ZNF407: variants seen among roughly 807,000 people sequenced by gnomAD.
ZNF407 encodes zinc finger protein 407.
Under a neutral mutation model 131.2 loss-of-function variants are expected in ZNF407, and 17 were observed. The ratio of observed to expected loss-of-function variants is 0.13; its 90% CI spans 0.09 to 0.19. ZNF407 has a LOEUF of 0.19. ZNF407 is among the 10% of genes least tolerant of loss of function. The probability of loss-of-function intolerance (pLI) is 1.00; values close to 1 mark genes in which losing one functional copy is unlikely to be tolerated. For synonymous variants in ZNF407, 1,156 were observed against 1,062.0 expected, an observed-to-expected ratio of 1.09 and a Z score of -1.72; for missense variants, 2,681 against 2,830.6, an observed-to-expected ratio of 0.95 and a Z score of 1.20.
intron 3 of ZNF407, 133 bp downstream of exon 3, chr18:74,641,255 T>C (rs926660534): frequency 1.1e-5 from 7 of 646,434 alleles, no homozygotes; most frequent in South Asian, 2.0e-5. Flanking sequence ...TCCATTGTTA[T>C]GGTAAATTCC....
chr18:74,908,073 A>C (rs577297420), intron 7 of ZNF407, among the ~76,000 whole-genome samples: 40 of 152,318 alleles, frequency 2.6e-4, no homozygotes, highest in African/African-American at 9.1e-4. Context: ...TTTTAAAAAA[A>C]TTAATCAATG....
chr18:75,014,445 T>G (rs774017105), intron 8 of ZNF407, among the ~76,000 whole-genome samples: 4 of 152,076 alleles, frequency 2.6e-5, no homozygotes, highest in Non-Finnish European at 4.4e-5. Flanking sequence ...GCCATTTTCC[T>G]CTTTCTTTTT....
At chr18:74,975,938 T>C (rs540842097) in intron 8 of ZNF407, among the ~76,000 whole-genome samples, 9 of 152,232 alleles carry the variant, frequency 5.9e-5, no homozygotes, top group Non-Finnish European at 1.0e-4. Flanking sequence ...AGGTTTCTCC[T>C]CATGCCAATT....
Position 74,948,754 on chromosome 18 carries a change from G to T in ZNF407, c.5428+28062G>T, listed in dbSNP as rs577936005. Among the ~76,000 whole-genome samples the T allele has an allele frequency of 2.6e-5, 4 of 152,282 alleles. No individual in the cohort carries two copies. In the South Asian group the frequency reaches 6.2e-4, roughly 24 times the overall value. On this transcript the variant is annotated intron_variant, in intron 8 of 8. Transcript: ENST00000299687. ...TGCTGGGAGTTTAAAATAAGCTTGT[G>T]TAAGAATGCTATGTAAAAATACAGA... is the stretch of plus-strand genomic sequence containing the variant.
At chr18:74,967,246 AAAAG>A (rs1040569418) in intron 8 of ZNF407, among the ~76,000 whole-genome samples, 6 of 152,200 alleles carry the variant, frequency 3.9e-5, no homozygotes, top group African/African-American at 9.7e-5. Flanking sequence ...CTAACACGAA[AAAAG>A]AAAGAAAGAA....
At chr18:74,663,854 A>G (rs1985819639) in intron 3 of ZNF407, among the ~76,000 whole-genome samples, 1 of 152,196 alleles carries the variant, frequency 6.6e-6, no homozygotes, top group Admixed American at 6.5e-5. Flanking sequence ...AAGGCCTGTC[A>G]TAGGCAAGAA....
In ZNF407 at chr18:74,720,922, T is replaced by G. The variant is rs545698658; in HGVS notation, c.4803-60506T>G. Among the ~76,000 whole-genome samples, 120 of 84,218 alleles carry G rather than the reference T, an allele frequency of 1.4e-3. 1 individual carries two copies. Among genetic ancestry groups the G allele is most frequent in the African/African-American group, 5.3e-3 (120 of 22,534 alleles). The allele number at this position is 84,218 out of a possible 152,430, so 55.3% of individuals were successfully genotyped here. On this transcript the variant is annotated intron_variant, in intron 3 of 8. Coordinates refer to ENST00000299687, the MANE Select transcript of ZNF407 (RefSeq NM_017757.3). ...TTTTGAAGTCTGGTAGTGCGATACC[T>G]TCAGCTTTTTTTTTTTTCTTTTTCT...
intron 8 of ZNF407, among the ~76,000 whole-genome samples, chr18:75,024,478 A>G (rs1973148719): frequency 6.6e-6 from 1 of 152,228 alleles, no homozygotes; most frequent in Admixed American, 6.5e-5. Context: ...AAGTGAGACA[A>G]CACTTTTTGT....
intron 8 of ZNF407, among the ~76,000 whole-genome samples, chr18:74,989,518 T>C (rs908393672): frequency 6.6e-6 from 1 of 152,216 alleles, no homozygotes; most frequent in African/African-American, 2.4e-5. Context: ...CTTTCGAAGA[T>C]TCTATGAACT....
chr18:74,902,764 T>C (rs915782195), intron 7 of ZNF407, among the ~76,000 whole-genome samples: 2 of 152,226 alleles, frequency 1.3e-5, no homozygotes, highest in Non-Finnish European at 2.9e-5. Context: ...GGGAGCTCTG[T>C]ACAGCATAGA....
chr18:74,913,601 A>T (rs1971704695), intron 7 of ZNF407, among the ~76,000 whole-genome samples: 1 of 152,190 alleles, frequency 6.6e-6, no homozygotes, highest in Admixed American at 6.5e-5. Context: ...GATTGAGAAG[A>T]AGTTAGGGAT....
intron 4 of ZNF407, among the ~76,000 whole-genome samples, chr18:74,800,599 G>T (rs1970002863): frequency 6.6e-6 from 1 of 152,178 alleles, no homozygotes; most frequent in African/African-American, 2.4e-5. Flanking sequence ...TTAGAAAAAT[G>T]AACAGTTCAA....
chr18:74,736,536 ACTTCATTAATTTTTTCCC>A (rs1968417013), intron 3 of ZNF407, among the ~76,000 whole-genome samples: 1 of 152,120 alleles, frequency 6.6e-6, no homozygotes, highest in South Asian at 2.1e-4. Context: ...CAGTTTCATC[ACTTCATTAATTTTTTCCC>A]TTAACATTTT....
chr18:74,639,823 A>G (rs1434758299), intron 2 of ZNF407, among the ~76,000 whole-genome samples: 1 of 151,920 alleles, frequency 6.6e-6, no homozygotes, highest in Non-Finnish European at 1.5e-5. Context: ...TTGAAATTTA[A>G]GACTCTAAAA....
intron 3 of ZNF407, among the ~76,000 whole-genome samples, chr18:74,704,178 C>T (rs1967568117): frequency 6.6e-6 from 1 of 152,162 alleles, no homozygotes; most frequent in African/African-American, 2.4e-5. Flanking sequence ...TGATGAAGCT[C>T]ATCAGCTCCA....
At chr18:74,625,322 C>T (rs998742132) in intron 1 of ZNF407, among the ~76,000 whole-genome samples, 4 of 151,656 alleles carry the variant, frequency 2.6e-5, no homozygotes, top group Admixed American at 6.6e-5. Context: ...ACAGAGTGTT[C>T]GCTCTAAGCA....
chr18:75,042,132 C>A (rs1003725853), intron 8 of ZNF407, among the ~76,000 whole-genome samples: 33 of 151,316 alleles, frequency 2.2e-4, no homozygotes, highest in African/African-American at 8.0e-4. Context: ...AACTCCTGGG[C>A]TCCAGTGGTC....
chr18:74,997,277 C>T (rs572017919), intron 8 of ZNF407, among the ~76,000 whole-genome samples: 45 of 152,200 alleles, frequency 3.0e-4, no homozygotes, highest in African/African-American at 9.4e-4. Flanking sequence ...ACCAGCTACA[C>T]GAATCCCATC....
chr18:74,743,664 C>T (rs1968601422), intron 3 of ZNF407, among the ~76,000 whole-genome samples: 1 of 152,074 alleles, frequency 6.6e-6, no homozygotes, highest in Non-Finnish European at 1.5e-5. Flanking sequence ...GAAATAACTT[C>T]TTGCAATCTA....
Sources: allele counts gnomAD v4.1 joint callset (sites outside exome capture counted in the v4.1 genomes callset), GRCh38; gene constraint gnomAD v4.1.1; transcripts MANE v1.5; gene names NCBI Gene and HGNC (gene_info 2026-07-23, HGNC 2026-07-21).